The following SLC2A13 variants were observed in gnomAD, a reference collection of about 807,000 sequenced individuals.
The protein encoded by SLC2A13 is proton myo-inositol cotransporter.
A neutral mutation model predicts 64.4 loss-of-function variants in SLC2A13; 32 were observed. The ratio of observed to expected loss-of-function variants is 0.50; its 90% CI spans 0.37 to 0.67. The LOEUF is 0.67. SLC2A13 is among the 30% of genes least tolerant of loss of function. The pLI is 0.00. For synonymous variants in SLC2A13, 338 were observed against 327.1 expected (o/e 1.03, Z -0.36); for missense variants, 743 against 829.2 (o/e 0.90, Z 1.28).
At chr12:39,870,042 A>G (rs941541685) in intron 5 of SLC2A13, among the ~76,000 whole-genome samples, 2 of 152,222 alleles carry the variant, frequency 1.3e-5, no homozygotes, top group African/African-American at 4.8e-5. Context: ...CTCTGTATCA[A>G]TAAGGGCTCA....
At chr12:40,086,258 G>A (rs556217386) in intron 1 of SLC2A13, among the ~76,000 whole-genome samples, 1 of 152,108 alleles carries the variant, frequency 6.6e-6, no homozygotes, top group East Asian at 1.9e-4. Flanking sequence ...GGTGGCATGG[G>A]AGGGTATTTT....
chr12:40,038,960 TA>T (rs1948036613), intron 2 of SLC2A13, among the ~76,000 whole-genome samples: 1 of 151,890 alleles, frequency 6.6e-6, no homozygotes, highest in African/African-American at 2.4e-5. Flanking sequence ...TCTGCAAATA[TA>T]AGCTCAATTT....
intron 3 of SLC2A13, among the ~76,000 whole-genome samples, chr12:40,021,699 C>T (rs906343891): frequency 1.3e-5 from 2 of 152,100 alleles, no homozygotes; most frequent in East Asian, 1.9e-4. Flanking sequence ...TAGTAAATGA[C>T]ATCCATGCAT....
chr12:39,978,382 G>C (rs540260824), intron 3 of SLC2A13, among the ~76,000 whole-genome samples: 1 of 152,146 alleles, frequency 6.6e-6, no homozygotes, highest in African/African-American at 2.4e-5. Flanking sequence ...TGCAGAAGAC[G>C]GGTGATTTCT....
chr12:40,026,615 T>A (rs932182360), intron 3 of SLC2A13, among the ~76,000 whole-genome samples: 17 of 152,322 alleles, frequency 1.1e-4, no homozygotes, highest in African/African-American at 3.8e-4. Context: ...ATCAATGATA[T>A]CCATATCCCT....
intron 9 of SLC2A13, among the ~76,000 whole-genome samples, chr12:39,763,097 G>A (rs1184201004): frequency 1.3e-5 from 2 of 151,938 alleles, no homozygotes; most frequent in African/African-American, 2.4e-5. Context: ...CAGTAAATAC[G>A]AGGAAATATT....
chr12:39,776,107 T>TC (rs1241180732), intron 7 of SLC2A13, among the ~76,000 whole-genome samples: 14 of 152,102 alleles, frequency 9.2e-5, no homozygotes, highest in African/African-American at 3.1e-4. Context: ...ATATTGCTGT[T>TC]CCCCCCTACA....
At position 39,799,219 on chromosome 12, in the gene SLC2A13, A is replaced by G. The variant is rs1032558275; in HGVS notation, c.1445+30884T>C. Among the ~76,000 whole-genome samples, 9 of 145,870 alleles carry G rather than the reference A, an allele frequency of 6.2e-5. No homozygotes were observed. In the South Asian group the frequency reaches 8.9e-4, roughly 14 times the overall value. ...TACCTTCTACCTTGGACTCTCGAGT[A>G]GCTGGGACTACAGGCATGTGCCACT... On this transcript the variant is annotated intron_variant, in intron 7 of 9. Transcript: ENST00000280871.
intron 7 of SLC2A13, among the ~76,000 whole-genome samples, chr12:39,773,845 A>G (rs1940672872): frequency 1.3e-5 from 2 of 152,228 alleles, no homozygotes. Context: ...TTTATAAAAG[A>G]TCCAGAATTT....
Position 40,006,429 on chromosome 12 carries a change from T to C in SLC2A13, c.925+21872A>G, listed in dbSNP as rs111653859. Among the ~76,000 whole-genome samples, 258 of 152,274 alleles carry C rather than the reference T, an allele frequency of 1.7e-3. 1 individual carries two copies. Among genetic ancestry groups the C allele is most frequent in the African/African-American group, 5.4e-3 (226 of 41,542 alleles). ...ATAATATGAATCTCTATCAAAGAGATGTGGTAAGGATTAAACAAAACAAAG... is the reference window on the plus strand; with the variant it reads ...ATAATATGAATCTCTATCAAAGAGACGTGGTAAGGATTAAACAAAACAAAG... On this transcript the variant is annotated intron_variant, in intron 3 of 9. Transcript: ENST00000280871.
chr12:39,868,230 G>A (rs929031878), intron 5 of SLC2A13, among the ~76,000 whole-genome samples: 3 of 152,122 alleles, frequency 2.0e-5, no homozygotes, highest in Non-Finnish European at 2.9e-5. Context: ...CAAGAGAAGA[G>A]TCTCTCTTAA....
chr12:39,832,213 G>A (rs975877389), intron 6 of SLC2A13, among the ~76,000 whole-genome samples: 1 of 152,112 alleles, frequency 6.6e-6, no homozygotes, highest in Admixed American at 6.6e-5. Flanking sequence ...CTGAGTGTCT[G>A]GCTTTGAGAA....
intron 2 of SLC2A13, among the ~76,000 whole-genome samples, chr12:40,043,243 A>G (rs534609143): frequency 3.3e-5 from 5 of 152,174 alleles, no homozygotes; most frequent in Non-Finnish European, 7.3e-5. Context: ...ATAAGCCAGG[A>G]TTTAACTAAG....
rs1271780547 is a variant in SLC2A13, at chr12:40,019,855, T to A, written c.925+8446A>T. 2.0e-5 allele frequency among the ~76,000 whole-genome samples: 3 copies of A among 152,140 alleles called. No homozygotes were observed. The East Asian group carries it at 5.8e-4, about 29-fold the overall frequency. On this transcript the variant is annotated intron_variant, in intron 3 of 9. Coordinates refer to ENST00000280871, the MANE Select transcript of SLC2A13 (RefSeq NM_052885.4). ...GTGAGACACTTACACAGCAACTGAT[T>A]ATAGTTCCGGCTTCATAAACCTAAT...
intron 4 of SLC2A13, among the ~76,000 whole-genome samples, chr12:39,916,590 A>C (rs1412106469): frequency 6.6e-6 from 1 of 152,110 alleles, no homozygotes; most frequent in African/African-American, 2.4e-5. Flanking sequence ...CACTTTTAAA[A>C]TTAATCTCAT....
In SLC2A13 at chr12:40,105,162, G is replaced by C. The variant is rs1379855703; in HGVS notation, c.556+91C>G. Reference sequence around the variant, plus strand: ...ATTCTCTGACCCTGGGAGACCAGACGGGGACCCCGATGGGCAAGAGGCACG... The same window carrying C: ...ATTCTCTGACCCTGGGAGACCAGACCGGGACCCCGATGGGCAAGAGGCACG... On this transcript the variant is annotated intron_variant, in intron 1 of 9. Coordinates refer to ENST00000280871, the MANE Select transcript of SLC2A13 (RefSeq NM_052885.4). This position sits in a 1 kb window ranked among gnomAD's most constrained non-coding sequence, Gnocchi z 4.2. The C allele has an allele frequency of 8.5e-6, 12 of 1,406,358 alleles. No individual in the cohort carries two copies. In the East Asian group the frequency reaches 3.1e-4, roughly 37 times the overall value. The allele number at this position is 1,406,358 out of a possible 1,614,324, so 87.1% of individuals were successfully genotyped here.
At chr12:40,042,970 A>C (rs947576190) in intron 2 of SLC2A13, among the ~76,000 whole-genome samples, 14 of 151,722 alleles carry the variant, frequency 9.2e-5, no homozygotes, top group African/African-American at 3.4e-4. Context: ...AAAAAAAAAA[A>C]AAAAAAACTA....
chr12:40,086,525 G>A (rs190214099), intron 1 of SLC2A13, among the ~76,000 whole-genome samples: 14 of 152,192 alleles, frequency 9.2e-5, no homozygotes, highest in Admixed American at 6.5e-4. Flanking sequence ...CTAGCTACAT[G>A]TCTATTTCAT....
At chr12:39,933,820 G>A (rs969832928) in intron 4 of SLC2A13, among the ~76,000 whole-genome samples, 1 of 152,114 alleles carries the variant, frequency 6.6e-6, no homozygotes, top group Non-Finnish European at 1.5e-5. Flanking sequence ...AGATGGGTAA[G>A]AATGGGGAAA....
Sources: allele counts gnomAD v4.1 joint callset (sites outside exome capture counted in the v4.1 genomes callset), GRCh38; gene constraint gnomAD v4.1.1; non-coding constraint Gnocchi (gnomAD v3.1); transcripts MANE v1.5; gene names NCBI Gene and HGNC (gene_info 2026-07-23, HGNC 2026-07-21).